CD46: variants seen among roughly 807,000 people sequenced by gnomAD.
CD46 encodes membrane cofactor protein.
A neutral mutation model predicts 53.3 loss-of-function variants in CD46; 30 were observed. The ratio of observed to expected loss-of-function variants is 0.56; its 90% CI spans 0.42 to 0.76. CD46 has a LOEUF of 0.76. CD46 is among the 30% of genes least tolerant of loss of function. The probability of loss-of-function intolerance (pLI) is 0.00; values close to 1 mark genes in which losing one functional copy is unlikely to be tolerated. For synonymous variants in CD46, 142 were observed against 152.0 expected (o/e 0.93, Z 0.48); for missense variants, 409 against 463.0 (o/e 0.88, Z 1.07).
chr1:207,756,929 T>C (rs1655608417), intron 1 of CD46, 85 bp from the exon 2 acceptor site: 5 of 1,130,226 alleles, frequency 4.4e-6, no homozygotes, highest in South Asian at 1.2e-5. Context: ...GTTTTTTCTG[T>C]ACTACCTGCT....
intron 4 of CD46, chr1:207,760,601 GT>G (rs1656068202): frequency 6.6e-6 from 1 of 152,264 alleles, no homozygotes; most frequent in Non-Finnish European, 1.5e-5. Flanking sequence ...GTATTAGGCC[GT>G]TTTCGTATTG....
rs1656166836 is a variant in CD46, at chr1:207,761,254, T to C, written c.481T>C (p.Leu161=). The change falls in exon 5 of 13, where the codon TTG becomes CTG. Residue 161 remains leucine (L), a synonymous_variant. Coordinates refer to ENST00000367042, the MANE Select transcript of CD46 (RefSeq NM_172351.3). ...SGKPPICEKV[L]CTPPPKIKNG... is the part of the protein sequence containing the mutation. ...TCTTTTTCTTCATTTTTAAGAGGTT[T>C]TGTGTACACCACCTCCAAAAATAAA... The C allele has an allele frequency of 3.7e-6, 6 of 1,601,086 alleles. No individual in the cohort carries two copies. The highest frequency in any genetic ancestry group is 5.1e-6 in the Non-Finnish European group (6 of 1,168,642).
At chr1:207,779,060 T>C (rs1297427283) in intron 8 of CD46, among the ~76,000 whole-genome samples, 1 of 152,204 alleles carries the variant, frequency 6.6e-6, no homozygotes, top group African/African-American at 2.4e-5. Flanking sequence ...TGACTGGGAT[T>C]GCCTCTCTGA....
chr1:207,752,739 C>T lies in CD46; in HGVS notation c.97+430C>T, dbSNP rs1553249256. 6.6e-6 allele frequency among the ~76,000 whole-genome samples: 1 copy of T among 152,020 alleles called. No individual in the cohort carries two copies. Among genetic ancestry groups the T allele is most frequent in the Non-Finnish European group, 1.5e-5 (1 of 68,006 alleles). ...TTGGTGCCTTGGTGAGTGGGGTGTT[C>T]ATTAGGGCTTGGACAGTACCCGCGG... On this transcript the variant is annotated intron_variant, in intron 1 of 12. Coordinates refer to ENST00000367042, the MANE Select transcript of CD46 (RefSeq NM_172351.3). This position sits in a 1 kb window ranked among gnomAD's most constrained non-coding sequence, Gnocchi z 4.1.
At position 207,752,338 on chromosome 1, in the gene CD46, C is replaced by G. The variant is rs770466143; in HGVS notation, c.97+29C>G. 2.5e-6 allele frequency: 4 copies of G among 1,594,042 alleles called. No individual in the cohort carries two copies. Among genetic ancestry groups the G allele is most frequent in the Non-Finnish European group, 2.6e-6 (3 of 1,162,270 alleles). On this transcript the variant is annotated intron_variant, in intron 1 of 12. Transcript: ENST00000367042. The surrounding 1 kb of genome is among the most constrained non-coding windows in gnomAD (Gnocchi z 4.1). ...GGACCCCGGGGCGGGTTCGCGCGTC[C>G]GCGGCGAGACTAGAGCTCTCCTCAG...
chr1:207,768,882 C>G (rs1657139944), intron 7 of CD46: 1 of 152,170 alleles, frequency 6.6e-6, no homozygotes, highest in African/African-American at 2.4e-5. Flanking sequence ...CAATCACTGG[C>G]TTCTAATTTG....
chr1:207,773,470 C>G (rs1300587726), intron 8 of CD46, among the ~76,000 whole-genome samples: 1 of 152,132 alleles, frequency 6.6e-6, no homozygotes, highest in African/African-American at 2.4e-5. Flanking sequence ...TTCTCTAGTT[C>G]TTTTAATGGT....
chr1:207,772,609 A>G (rs1657637742), intron 8 of CD46, among the ~76,000 whole-genome samples: 1 of 152,200 alleles, frequency 6.6e-6, no homozygotes, highest in Admixed American at 6.5e-5. Context: ...TTTAGCATGA[A>G]GGGCTGTTGA....
At chr1:207,793,197 A>G (rs1558087075) in intron 12 of CD46, among the ~76,000 whole-genome samples, 1 of 152,236 alleles carries the variant, frequency 6.6e-6, no homozygotes, top group Non-Finnish European at 1.5e-5. Context: ...TGGAGGGATC[A>G]GGAAAGCATG....
upstream of CD46, chr1:207,752,040 C>G: frequency 8.1e-6 from 6 of 740,848 alleles, no homozygotes; most frequent in South Asian, 1.5e-5. This position sits in a 1 kb window ranked among gnomAD's most constrained non-coding sequence, Gnocchi z 4.1. Context: ...ACTCGACGCA[C>G]TTCCGCCCCG....
chr1:207,755,296 T>C (rs1365093691), intron 1 of CD46, among the ~76,000 whole-genome samples: 1 of 152,074 alleles, frequency 6.6e-6, no homozygotes, highest in African/African-American at 2.4e-5. Flanking sequence ...CAAGGTTAAG[T>C]TTGAGGTTCA....
intron 8 of CD46, among the ~76,000 whole-genome samples, chr1:207,781,219 T>C (rs1034224191): frequency 6.6e-6 from 1 of 151,242 alleles, no homozygotes; most frequent in Non-Finnish European, 1.5e-5. Flanking sequence ...CATGTGCTTA[T>C]TGGTCATTTG....
At chr1:207,770,577 A>G (rs1036013494) in intron 8 of CD46, among the ~76,000 whole-genome samples, 1 of 151,712 alleles carries the variant, frequency 6.6e-6, no homozygotes, top group African/African-American at 2.4e-5. Context: ...GACAGGCCCC[A>G]GTGTGTGATG....
chr1:207,772,565 A>G (rs759618602), intron 8 of CD46, among the ~76,000 whole-genome samples: 8 of 152,254 alleles, frequency 5.3e-5, no homozygotes, highest in Non-Finnish European at 8.8e-5. Flanking sequence ...TTATTTTGAG[A>G]TATATTCCAT....
At chr1:207,785,149 T>C (rs1659158611) in intron 10 of CD46, 43 bp downstream of exon 10, 6 of 1,424,006 alleles carry the variant, frequency 4.2e-6, no homozygotes, top group Non-Finnish European at 6.0e-6. Flanking sequence ...CAAAAAATTA[T>C]TGTGAAGACA....
intron 8 of CD46, among the ~76,000 whole-genome samples, chr1:207,782,789 A>T (rs1658890099): frequency 6.7e-6 from 1 of 148,380 alleles, no homozygotes; most frequent in Admixed American, 6.7e-5. Context: ...CTGGGATTAC[A>T]GGCACGCACT....
At chr1:207,770,558 C>T (rs1432759822) in intron 8 of CD46, among the ~76,000 whole-genome samples, 196 bp downstream of exon 8, 2 of 152,174 alleles carry the variant, frequency 1.3e-5, no homozygotes, top group Non-Finnish European at 2.9e-5. Context: ...CCCCCAGCCC[C>T]TAACCCCTGA....
At chr1:207,759,847 T>A (rs1655986765) in intron 4 of CD46, 123 bp downstream of exon 4, 1 of 638,354 alleles carries the variant, frequency 1.6e-6, no homozygotes, top group African/African-American at 1.9e-5. Context: ...GTGGGTTATA[T>A]CTATTGGTAT....
intron 8 of CD46, among the ~76,000 whole-genome samples, chr1:207,777,236 A>G: frequency 6.6e-6 from 1 of 152,204 alleles, no homozygotes; most frequent in Non-Finnish European, 1.5e-5. Flanking sequence ...AAGTATATAG[A>G]GTAAAAGATT....
Sources: allele counts gnomAD v4.1 joint callset (sites outside exome capture counted in the v4.1 genomes callset), GRCh38; gene constraint gnomAD v4.1.1; non-coding constraint Gnocchi (gnomAD v3.1); transcripts MANE v1.5; gene names NCBI Gene and HGNC (gene_info 2026-07-23, HGNC 2026-07-21).